GRM7: variants seen among roughly 807,000 people sequenced by gnomAD.
GRM7 encodes the protein glutamate metabotropic receptor 7.
A neutral mutation model predicts 84.5 loss-of-function variants in GRM7; 35 were observed. The ratio of observed to expected loss-of-function variants is 0.41; its 90% confidence interval spans 0.32 to 0.55. The LOEUF is 0.55. Among genes scored for constraint, GRM7 ranks in the 20% least tolerant of loss-of-function variants. GRM7 has a pLI of 0.19. For synonymous variants in GRM7, 487 were observed against 455.1 expected, an observed-to-expected ratio of 1.07 and a Z score of -0.89; for missense variants, 1,003 against 1,194.6, an observed-to-expected ratio of 0.84 and a Z score of 2.36.
intron 7 of GRM7, among the ~76,000 whole-genome samples, chr3:7,531,692 G>A (rs1177356528): frequency 1.3e-5 from 2 of 152,174 alleles, no homozygotes; most frequent in African/African-American, 2.4e-5. Context: ...ATCAGCTTAA[G>A]TCAATTTGGG....
intron 1 of GRM7, among the ~76,000 whole-genome samples, chr3:7,066,602 G>T (rs1697675248): frequency 6.6e-6 from 1 of 151,850 alleles, no homozygotes; most frequent in African/African-American, 2.4e-5. Flanking sequence ...GACATTCAAA[G>T]AATTGGTACC....
intron 1 of GRM7, among the ~76,000 whole-genome samples, chr3:7,026,009 C>T (rs184963820): frequency 6.6e-6 from 1 of 152,276 alleles, no homozygotes; most frequent in Admixed American, 6.5e-5. Flanking sequence ...CTATCATCCC[C>T]CAACACCCCT....
intron 2 of GRM7, among the ~76,000 whole-genome samples, chr3:7,194,581 C>T (rs757416276): frequency 2.0e-5 from 3 of 152,088 alleles, no homozygotes; most frequent in Middle Eastern, 3.2e-3. Context: ...CTAAAGTGGA[C>T]CCTTCACGCC....
chr3:7,308,647 T>C (rs1234629024), intron 4 of GRM7, among the ~76,000 whole-genome samples: 8 of 152,164 alleles, frequency 5.3e-5, no homozygotes, highest in African/African-American at 9.7e-5. Flanking sequence ...ATGTGTGAGA[T>C]GTGATTGTGG....
intron 4 of GRM7, among the ~76,000 whole-genome samples, chr3:7,356,869 C>T (rs1173095737): frequency 1.3e-5 from 2 of 151,112 alleles, no homozygotes; most frequent in East Asian, 3.9e-4. Flanking sequence ...CTACTGGCTT[C>T]TCTCATCCTC....
chr3:7,071,814 G>T (rs1044272975), intron 1 of GRM7, among the ~76,000 whole-genome samples: 1 of 152,062 alleles, frequency 6.6e-6, no homozygotes, highest in African/African-American at 2.4e-5. Flanking sequence ...GGTGAAGTTA[G>T]TGTTGAAGTC....
chr3:7,532,803 CAAAAAAAAAA>C (rs36040168), intron 7 of GRM7, among the ~76,000 whole-genome samples: 1 of 70,634 alleles, frequency 1.4e-5, no homozygotes, highest in East Asian at 4.6e-4. Flanking sequence ...AAAGGGAAAG[CAAAAAAAAAA>C]AAAAAAAAAG....
At chr3:7,699,268 T>C (rs1216622334) in intron 9 of GRM7, among the ~76,000 whole-genome samples, 1 of 152,122 alleles carries the variant, frequency 6.6e-6, no homozygotes, top group Non-Finnish European at 1.5e-5. Context: ...AGACCCCAGG[T>C]CACCTGTAAA....
intron 9 of GRM7, among the ~76,000 whole-genome samples, chr3:7,704,348 G>A (rs777633732): frequency 6.6e-6 from 1 of 152,146 alleles, no homozygotes; most frequent in South Asian, 2.1e-4. Context: ...AAAAATTCCT[G>A]GTCAAGACTT....
In GRM7 at chr3:7,444,788, AAC is replaced by A. The variant is rs540142303; in HGVS notation, c.1175-7815_1175-7814del. ...AATTGAAAATGGAATTGCAGAAGAA[AAC>A]ACAGTTTTAAGTGAAGATGAATAGC... On this transcript the variant is annotated intron_variant, in intron 5 of 9. Transcript: ENST00000357716. 3.3e-3 allele frequency among the ~76,000 whole-genome samples: 501 copies of A among 152,324 alleles called. 2 individuals carry two copies. Among genetic ancestry groups the A allele is most frequent in the South Asian group, 6.0e-3 (29 of 4,828 alleles).
chr3:7,301,491 T>G (rs975751951), intron 3 of GRM7, among the ~76,000 whole-genome samples: 2 of 152,194 alleles, frequency 1.3e-5, no homozygotes, highest in Admixed American at 1.3e-4. Context: ...AAATATGGTC[T>G]CATGTTTGTT....
intron 1 of GRM7, among the ~76,000 whole-genome samples, chr3:7,140,624 T>C (rs73122344): frequency 0.021 from 3,124 of 152,172 alleles, 113 homozygotes; most frequent in African/African-American, 0.072. Flanking sequence ...GCTCTTAGCA[T>C]GATGTTTCAC....
chr3:7,321,842 A>G (rs1230520362), intron 4 of GRM7, among the ~76,000 whole-genome samples: 2 of 152,092 alleles, frequency 1.3e-5, no homozygotes, highest in Non-Finnish European at 2.9e-5. Context: ...GAATTCTAAA[A>G]AGTGTTCTTG....
At chr3:7,322,719 T>A (rs1031621770) in intron 4 of GRM7, among the ~76,000 whole-genome samples, 1 of 152,108 alleles carries the variant, frequency 6.6e-6, no homozygotes, top group Non-Finnish European at 1.5e-5. Flanking sequence ...TCCAGGTTGC[T>A]GACGATGCCA....
chr3:7,109,204 T>C (rs1438768607), intron 1 of GRM7, among the ~76,000 whole-genome samples: 2 of 152,110 alleles, frequency 1.3e-5, no homozygotes, highest in African/African-American at 2.4e-5. Context: ...TTATGTCTAA[T>C]TGGAACCAGA....
At chr3:7,097,208 C>A (rs1233782876) in intron 1 of GRM7, among the ~76,000 whole-genome samples, 7 of 151,996 alleles carry the variant, frequency 4.6e-5, no homozygotes, top group African/African-American at 1.7e-4. Context: ...GAGCCCTGTC[C>A]CTGTCACTAC....
intron 1 of GRM7, among the ~76,000 whole-genome samples, chr3:7,076,912 G>A (rs9883659): frequency 0.016 from 2,377 of 152,222 alleles, 56 homozygotes; most frequent in African/African-American, 0.054. Flanking sequence ...AGTGGGCGAA[G>A]GATATGAATA....
intron 4 of GRM7, among the ~76,000 whole-genome samples, chr3:7,319,257 G>T (rs1002591527): frequency 6.6e-6 from 1 of 151,974 alleles, no homozygotes; most frequent in Non-Finnish European, 1.5e-5. Context: ...AAAAAAGTAG[G>T]CAACATCAGA....
intron 6 of GRM7, among the ~76,000 whole-genome samples, chr3:7,459,646 C>G (rs540762992): frequency 6.6e-6 from 1 of 152,102 alleles, no homozygotes; most frequent in African/African-American, 2.4e-5. Context: ...TTCACTACCA[C>G]AAGAACAGTA....
Sources: gnomAD v4.1 joint callset for allele counts (sites outside exome capture counted in the v4.1 genomes callset) on GRCh38, gnomAD v4.1.1 for gene constraint, MANE v1.5 for transcripts, NCBI Gene and HGNC (gene_info 2026-07-23, HGNC 2026-07-21) for gene names.